CPAMD8: variants seen among roughly 807,000 people sequenced by gnomAD.
CPAMD8 encodes C3 and PZP-like alpha-2-macroglobulin domain-containing protein 8.
In CPAMD8, 146 loss-of-function variants were observed where a neutral mutation model predicts 224.7. The observed-to-expected ratio is 0.65, with a 90% confidence interval of 0.57 to 0.75. The LOEUF is 0.75. Ranked by LOEUF, CPAMD8 falls within the 30% of genes least tolerant of loss-of-function variation. CPAMD8 has a pLI of 0.00. For synonymous variants in CPAMD8, 966 were observed against 1,044.6 expected (o/e 0.92, Z 1.45); for missense variants, 2,301 against 2,537.5 (o/e 0.91, Z 2.00).
At position 16,902,732 on chromosome 19, in the gene CPAMD8, T is replaced by C. The variant is rs1192880337; in HGVS notation, c.4602A>G (p.Gly1534=). ...MPASAAEGSR[G]DWPPADDDDP... ...CATCATCGTCAGCTGGGGGCCAGTC[T>C]CCTCGGGAACCCTCAGCTGCGGAGG... Residue 1534 remains glycine (G), a synonymous_variant, in exon 35 of 42, where the codon GGA becomes GGG. Coordinates refer to ENST00000443236, the MANE Select transcript of CPAMD8 (RefSeq NM_015692.5). 10 of 1,601,780 alleles carry C rather than the reference T, an allele frequency of 6.2e-6. No homozygotes were observed. Among genetic ancestry groups the C allele is most frequent in the South Asian group, 1.1e-5 (1 of 90,396 alleles).
At chr19:16,939,222 T>TCTAC (rs1185129079) in intron 22 of CPAMD8, among the ~76,000 whole-genome samples, 3 of 150,550 alleles carry the variant, frequency 2.0e-5, no homozygotes, top group African/African-American at 7.3e-5. Context: ...TATCTATCTA[T>TCTAC]GGACAGAGTC....
At chr19:16,894,543 C>A (rs1185823945) in intron 41 of CPAMD8, 3 of 448,608 alleles carry the variant, frequency 6.7e-6, no homozygotes, top group Non-Finnish European at 1.4e-5. Context: ...CCAGCTGCCA[C>A]CTCCTCATTT....
intron 3 of CPAMD8, among the ~76,000 whole-genome samples, chr19:17,015,989 A>C (rs1179863217): frequency 6.6e-6 from 1 of 152,134 alleles, no homozygotes; most frequent in Admixed American, 6.5e-5. Flanking sequence ...TGTTGCCCAG[A>C]CTAGAGTGCT....
At chr19:17,023,945 C>T (rs1289604341) in intron 1 of CPAMD8, among the ~76,000 whole-genome samples, 2 of 152,128 alleles carry the variant, frequency 1.3e-5, no homozygotes, top group East Asian at 3.8e-4. Flanking sequence ...TACCTCACAC[C>T]ATGCAATTAG....
chr19:16,977,465 AC>A lies in CPAMD8; in HGVS notation c.1660del (p.Val554SerfsTer36). The A allele has an allele frequency of 6.2e-7, 1 of 1,610,490 alleles. No homozygotes were observed. ...SLHLAVTPSM[V>X]PLGRLLVFYV... The stretch of plus-strand genomic sequence containing the variant: ...GAAGACCAGCAGGCGACCAAGGGGG[AC>A]CATGCTGGGGGTCACGGCCAGATGA... On this transcript the variant is annotated frameshift_variant, in exon 15 of 42. Transcript: ENST00000443236. LOFTEE classifies it high-confidence loss of function.
intron 27 of CPAMD8, among the ~76,000 whole-genome samples, chr19:16,920,175 C>T (rs1025655632): frequency 6.6e-6 from 1 of 152,220 alleles, no homozygotes; most frequent in South Asian, 2.1e-4. Flanking sequence ...GACTTCCATG[C>T]ACACAGTGAA....
intron 3 of CPAMD8, among the ~76,000 whole-genome samples, chr19:17,015,730 A>T (rs914611599): frequency 6.6e-6 from 1 of 152,196 alleles, no homozygotes; most frequent in African/African-American, 2.4e-5. Context: ...GAGGGAGGAA[A>T]GGTCCCGGCC....
chr19:16,970,621 C>T (rs1418199680), intron 18 of CPAMD8, among the ~76,000 whole-genome samples: 8 of 151,690 alleles, frequency 5.3e-5, no homozygotes, highest in African/African-American at 1.5e-4. Flanking sequence ...CTCCAGAGAG[C>T]TCCCTCACTC....
At chr19:16,913,614 C>T (rs2052810897) in intron 29 of CPAMD8, among the ~76,000 whole-genome samples, 1 of 152,056 alleles carries the variant, frequency 6.6e-6, no homozygotes. Flanking sequence ...TATTTTGTTT[C>T]TGCAGCCCAA....
chr19:16,969,124 G>T (rs564035832), intron 18 of CPAMD8, among the ~76,000 whole-genome samples: 1 of 152,244 alleles, frequency 6.6e-6, no homozygotes, highest in South Asian at 2.1e-4. Context: ...CAAGCCCCAG[G>T]TTCTCACCCT....
chr19:16,912,362 G>A (rs1369162008), intron 29 of CPAMD8, among the ~76,000 whole-genome samples: 1 of 152,152 alleles, frequency 6.6e-6, no homozygotes, highest in Admixed American at 6.5e-5. Context: ...TAGGTTGGAA[G>A]GCTATGGAGA....
At chr19:17,000,224 C>T (rs549078710) in intron 10 of CPAMD8, 190 bp downstream of exon 10, 6 of 474,246 alleles carry the variant, frequency 1.3e-5, no homozygotes, top group Admixed American at 1.1e-4. Flanking sequence ...GGGGCAAAGG[C>T]GAGAGGATCG....
intron 17 of CPAMD8, 25 bp from the exon 18 acceptor site, chr19:16,971,058 C>T (rs768188027): frequency 1.3e-6 from 2 of 1,573,198 alleles, no homozygotes; most frequent in Non-Finnish European, 1.7e-6. Context: ...ACACCCAAAC[C>T]ATTGGTGGGG....
chr19:16,907,073 A>G lies in CPAMD8; in HGVS notation c.3906T>C (p.Ser1302=), dbSNP rs375066397. Residue 1302 remains serine, a synonymous_variant, in exon 30 of 42, where the codon TCT becomes TCC. Coordinates refer to ENST00000443236, the MANE Select transcript of CPAMD8 (RefSeq NM_015692.5). ...AAGGGTCCATGGCCAGGGGCGCAGCAGACTCCAGGAAGTGCCTCGCTTTGT... is the reference window on the plus strand; with the variant it reads ...AAGGGTCCATGGCCAGGGGCGCAGCGGACTCCAGGAAGTGCCTCGCTTTGT... The part of the protein sequence containing the change: ...STDKARHFLE[S]AAPLAMDPYS... 5.0e-6 allele frequency: 8 copies of G among 1,597,110 alleles called. No individual in the cohort carries two copies. Among genetic ancestry groups the G allele is most frequent in the Middle Eastern group, 1.7e-4 (1 of 6,004 alleles).
chr19:16,993,024 C>G lies in CPAMD8; in HGVS notation c.1266+392G>C, dbSNP rs377557446. The stretch of plus-strand genomic sequence containing the variant: ...GCGGAAACCACCATTGGCTCTCTCC[C>G]CAATCTCTTTCCAAAATGGCTCAAT... On this transcript the variant is annotated intron_variant, in intron 12 of 41. Coordinates refer to ENST00000443236, the MANE Select transcript of CPAMD8 (RefSeq NM_015692.5). Among the ~76,000 whole-genome samples, 12 of 152,236 alleles carry G rather than the reference C, an allele frequency of 7.9e-5. No homozygotes were observed. The South Asian group carries it at 1.0e-3, about 13-fold the overall frequency.
chr19:17,006,438 A>G (rs2056494265), intron 7 of CPAMD8, among the ~76,000 whole-genome samples: 1 of 151,718 alleles, frequency 6.6e-6, no homozygotes, highest in African/African-American at 2.4e-5. Context: ...TGGGAGGATC[A>G]CTTGAACCCA....
chr19:17,004,262 C>G lies in CPAMD8; in HGVS notation c.673+11G>C. The G allele has an allele frequency of 6.4e-7, 1 of 1,571,882 alleles. No individual in the cohort carries two copies. Among genetic ancestry groups the G allele is most frequent in the Non-Finnish European group, 8.8e-7 (1 of 1,142,236 alleles). On this transcript the variant is annotated intron_variant, in intron 8 of 41. Transcript: ENST00000443236. ...TCTGAAATCCCAAGACCCTGAGATT[C>G]TCCAACTTACCATACTTCTGAACTT...
chr19:16,901,144 G>T, intron 36 of CPAMD8, 66 bp downstream of exon 36: 2 of 1,089,380 alleles, frequency 1.8e-6, no homozygotes, highest in South Asian at 1.4e-5. Flanking sequence ...GCCTGACCCT[G>T]GGTGCCTAAG....
chr19:16,941,830 G>A (rs1053581834), intron 22 of CPAMD8, among the ~76,000 whole-genome samples: 10 of 152,090 alleles, frequency 6.6e-5, no homozygotes, highest in African/African-American at 1.9e-4. Flanking sequence ...AAAATTATCC[G>A]GGCATGGTGG....
Sources: allele counts gnomAD v4.1 joint callset (sites outside exome capture counted in the v4.1 genomes callset), GRCh38; gene constraint gnomAD v4.1.1; transcripts MANE v1.5; gene names NCBI Gene and HGNC (gene_info 2026-07-23, HGNC 2026-07-21).